The following WDFY4 variants were observed in gnomAD, a reference collection of about 807,000 sequenced individuals.
WDFY4 encodes WD repeat- and FYVE domain-containing protein 4.
In WDFY4, 169 loss-of-function variants were observed where a neutral mutation model predicts 351.9. That is an observed-to-expected ratio of 0.48 (90% confidence interval 0.42 to 0.55). The LOEUF is 0.55. Among genes scored for constraint, WDFY4 ranks in the 20% least tolerant of loss-of-function variants. WDFY4 has a pLI of 0.00. For missense variants in WDFY4, 3,803 were observed against 3,935.6 expected (o/e 0.97, Z 0.90); for synonymous variants, 1,622 against 1,574.6 (o/e 1.03, Z -0.71).
intron 12 of WDFY4, 87 bp downstream of exon 12, chr10:48,743,635 G>T (rs916164542): frequency 2.9e-6 from 4 of 1,401,954 alleles, no homozygotes; most frequent in Non-Finnish European, 3.8e-6. Flanking sequence ...CAGTAGGAAG[G>T]CTCAGCTACA....
rs539974342 is a variant in WDFY4, at chr10:48,863,338, T to C, written c.6664-3927T>C. On this transcript the variant is annotated intron_variant, in intron 39 of 61. Transcript: ENST00000325239. ...GTGTATGAGAGTTTCTATTTATCCATACTCTCAATAAAACTTGTTATTATC... is the reference window on the plus strand; with the variant it reads ...GTGTATGAGAGTTTCTATTTATCCACACTCTCAATAAAACTTGTTATTATC... Among the ~76,000 whole-genome samples the C allele has an allele frequency of 2.0e-5, 3 of 152,338 alleles. No individual in the cohort carries two copies. In the South Asian group the frequency reaches 6.2e-4, roughly 32 times the overall value.
chr10:48,809,671 C>T (rs2067384269), intron 28 of WDFY4, among the ~76,000 whole-genome samples: 1 of 152,202 alleles, frequency 6.6e-6, no homozygotes, highest in Non-Finnish European at 1.5e-5. Context: ...TCACCACCAC[C>T]ACCATCAACA....
intron 11 of WDFY4, among the ~76,000 whole-genome samples, chr10:48,741,451 T>TC (rs2064846533): frequency 6.9e-5 from 1 of 14,572 alleles, no homozygotes; most frequent in Non-Finnish European, 1.4e-4. Context: ...AGACTCCGTC[T>TC]CAAAAAAAAA....
At chr10:48,837,203 G>A (rs1232525395) in intron 39 of WDFY4, among the ~76,000 whole-genome samples, 1 of 151,988 alleles carries the variant, frequency 6.6e-6, no homozygotes, top group Non-Finnish European at 1.5e-5. Context: ...TGGTTAGGAA[G>A]GGGCCATGGA....
rs551688767 is a variant in WDFY4 at position 48,969,106 on chromosome 10, C to A, written c.8627C>A (p.Ala2876Asp). 2.6e-6 allele frequency: 4 copies of A among 1,551,784 alleles called. No individual in the cohort carries two copies. Among genetic ancestry groups the A allele is most frequent in the Admixed American group, 2.0e-5 (1 of 51,004 alleles). The change falls in exon 56 of 62, where the codon GCC (alanine) becomes GAC (aspartate). Residue 2876 changes from alanine to aspartate, a missense_variant. Physicochemically the swap from Ala to Asp is moderately radical, Grantham distance 126. Around this residue, in one of 3 missense-constraint regions of WDFY4, gnomAD observed 3,054 missense variants for 3,148.6 expected, o/e 0.97. Coordinates refer to ENST00000325239, the MANE Select transcript of WDFY4 (RefSeq NM_001394531.1). The stretch of plus-strand genomic sequence containing the variant: ...CTAGGCTCAGAGTCCCCCAAAGGGG[C>A]CATTGGCCACATTGTCTCTACTGAG... Reference protein sequence around the residue: ...FSLGSESPKGAIGHIVSTEKT... With the variant: ...FSLGSESPKGDIGHIVSTEKT...
Position 48,696,787 on chromosome 10 carries a change from A to G in WDFY4, c.-18+11786A>G, listed in dbSNP as rs527990320. Among the ~76,000 whole-genome samples, 6 of 152,342 alleles carry G rather than the reference A, an allele frequency of 3.9e-5. No homozygotes were observed. The South Asian group carries it at 1.2e-3, about 32-fold the overall frequency. On this transcript the variant is annotated intron_variant, in intron 1 of 61. Transcript: ENST00000325239. ...GGCAGCAAGGTGCAGAATGCAGAAG[A>G]GGCCATGCAGTGCGCACTCTGTGGG...
intron 39 of WDFY4, among the ~76,000 whole-genome samples, chr10:48,865,255 G>A: frequency 6.6e-6 from 1 of 152,010 alleles, no homozygotes; most frequent in East Asian, 1.9e-4. Context: ...CCACCCAGTT[G>A]GTTGACTTTT....
At chr10:48,981,273 T>C (rs1011629779) in intron 60 of WDFY4, 94 bp from the exon 61 acceptor site, 46 of 951,498 alleles carry the variant, frequency 4.8e-5, no homozygotes, top group East Asian at 1.9e-4. Context: ...AATATAAATA[T>C]GTGCGTATGT....
chr10:48,830,906 A>C, intron 38 of WDFY4, 21 bp downstream of exon 38: 4 of 1,543,168 alleles, frequency 2.6e-6, no homozygotes, highest in Non-Finnish European at 3.5e-6. Flanking sequence ...ACTCGGCTCC[A>C]GGGAATGGGA....
chr10:48,719,689 G>T (rs1012439134), intron 2 of WDFY4, among the ~76,000 whole-genome samples: 6 of 152,210 alleles, frequency 3.9e-5, no homozygotes, highest in African/African-American at 1.4e-4. Flanking sequence ...GTGCTCCTAT[G>T]GGGGCAGCAG....
At chr10:48,918,678 C>A (rs2133560306) in intron 47 of WDFY4, among the ~76,000 whole-genome samples, 1 of 152,304 alleles carries the variant, frequency 6.6e-6, no homozygotes, top group South Asian at 2.1e-4. Flanking sequence ...GAGAGAAAAT[C>A]AGCAAGGAAA....
At chr10:48,737,118 T>G (rs2064695383) in intron 11 of WDFY4, among the ~76,000 whole-genome samples, 1 of 152,188 alleles carries the variant, frequency 6.6e-6, no homozygotes, top group Non-Finnish European at 1.5e-5. Flanking sequence ...TGAGTGATCC[T>G]CCCACCTCAG....
chr10:48,877,137 G>T lies in WDFY4; in HGVS notation c.7105G>T (p.Asp2369Tyr). 6.4e-7 allele frequency: 1 copy of T among 1,551,524 alleles called. No homozygotes were observed. The highest frequency in any genetic ancestry group is 8.7e-7 in the Non-Finnish European group (1 of 1,146,890). ...CTTACACGAAAGTCTGCACTCAGAA[G>T]ACTTCTTGGAACTGTGTCGGGAAAG... ...PALHESLHSE[D>Y]FLELCRERQV... Residue 2369 changes from aspartate (D) to tyrosine (Y), a missense_variant, in exon 43 of 62, where the codon GAC (aspartate) becomes TAC (tyrosine). Physicochemically the swap from Asp to Tyr is radical, Grantham distance 160. Transcript: ENST00000325239.
chr10:48,874,717 C>T (rs1158738073), intron 41 of WDFY4, among the ~76,000 whole-genome samples: 2 of 152,180 alleles, frequency 1.3e-5, no homozygotes, highest in Non-Finnish European at 2.9e-5. Flanking sequence ...CAAGGGCTGG[C>T]TATGAAACCT....
At chr10:48,938,117 G>A (rs1174079410) in intron 47 of WDFY4, among the ~76,000 whole-genome samples, 1 of 152,190 alleles carries the variant, frequency 6.6e-6, no homozygotes, top group Non-Finnish European at 1.5e-5. Context: ...TATGCCTAGT[G>A]CTTCTTAACT....
At position 48,873,711 on chromosome 10, in the gene WDFY4, G is replaced by A. The variant is rs774345570; in HGVS notation, c.6948+14G>A. ...GGAAGGCACAAGGTAGGAGTCAGGC[G>A]CAGTGGGACAGTGCTGGTTCCAGGT... On this transcript the variant is annotated intron_variant, in intron 41 of 61. Coordinates refer to ENST00000325239, the MANE Select transcript of WDFY4 (RefSeq NM_001394531.1). The A allele has an allele frequency of 4.1e-5, 63 of 1,551,250 alleles. No homozygotes were observed. The highest frequency in any genetic ancestry group is 1.7e-4 in the Middle Eastern group (1 of 5,848).
intron 51 of WDFY4, among the ~76,000 whole-genome samples, chr10:48,951,101 G>A (rs538832378): frequency 6.6e-6 from 1 of 152,346 alleles, no homozygotes; most frequent in East Asian, 1.9e-4. Flanking sequence ...GGTATAAGGA[G>A]TGTTTTATTC....
At chr10:48,753,978 G>T (rs1388405251) in intron 12 of WDFY4, among the ~76,000 whole-genome samples, 1 of 152,154 alleles carries the variant, frequency 6.6e-6, no homozygotes, top group Non-Finnish European at 1.5e-5. Flanking sequence ...TCATGAAAGA[G>T]TGTGAGATTT....
At chr10:48,753,780 G>C (rs2065250908) in intron 12 of WDFY4, among the ~76,000 whole-genome samples, 1 of 152,158 alleles carries the variant, frequency 6.6e-6, no homozygotes, top group South Asian at 2.1e-4. Context: ...TTGAACTCTG[G>C]AAATGTGAGT....
Sources: gnomAD v4.1 joint callset for allele counts (sites outside exome capture counted in the v4.1 genomes callset) on GRCh38, gnomAD v4.1.1 for gene constraint, gnomAD v4.1.1 regional missense constraint, MANE v1.5 for transcripts, NCBI Gene and HGNC (gene_info 2026-07-23, HGNC 2026-07-21) for gene names.